SHANK1: variants seen among roughly 807,000 people sequenced by gnomAD.
The protein encoded by SHANK1 is SH3 and multiple ankyrin repeat domains 1.
Under a neutral mutation model 165.6 loss-of-function variants are expected in SHANK1, and 35 were observed. The ratio of observed to expected loss-of-function variants is 0.21; its 90% CI spans 0.16 to 0.28. The LOEUF (loss-of-function observed/expected upper bound fraction) is 0.28. Among genes scored for constraint, SHANK1 ranks in the 10% least tolerant of loss-of-function variants. SHANK1 has a pLI of 1.00. For missense variants in SHANK1, 2,681 were observed against 3,036.4 expected, an observed-to-expected ratio of 0.88 and a Z score of 2.75; for synonymous variants, 1,428 against 1,384.8, an observed-to-expected ratio of 1.03 and a Z score of -0.69.
At position 50,662,784 on chromosome 19, in the gene SHANK1, A is replaced by T. The variant is rs1165040598; in HGVS notation, c.5769-102T>A. 1 of 1,267,838 alleles carries T rather than the reference A, an allele frequency of 7.9e-7. No homozygotes were observed. Among genetic ancestry groups the T allele is most frequent in the Non-Finnish European group, 1.1e-6 (1 of 908,864 alleles). The allele number at this position is 1,267,838 out of a possible 1,614,324, so 78.5% of individuals were successfully genotyped here. A position where few individuals can be genotyped will look rare whatever the true frequency, so the allele number is the denominator to read the frequency against. On this transcript the variant is annotated intron_variant, in intron 23 of 23. Transcript: ENST00000293441. The surrounding 1 kb of genome is among the most constrained non-coding windows in gnomAD (Gnocchi z 7.7). ...TCAAGATATAGGGAGAGAGGAGGAGAGACATAAGGGTAGGGGGAGAGACGG... is the reference window on the plus strand; with the variant it reads ...TCAAGATATAGGGAGAGAGGAGGAGTGACATAAGGGTAGGGGGAGAGACGG...
rs2089098868 is a variant in SHANK1, at chr19:50,718,822, A to C, written c.-44+584T>G. On this transcript the variant is annotated intron_variant, in intron 1 of 23. Coordinates refer to ENST00000293441, the MANE Select transcript of SHANK1 (RefSeq NM_016148.5). The surrounding 1 kb of genome is among the most constrained non-coding windows in gnomAD (Gnocchi z 5.1). ...CCGGCCGGGGAGAGGGGCGGGGGGC[A>C]CCGGGGAGCAGGAGTCGGGGGCGGG... Among the ~76,000 whole-genome samples, 1 of 106,530 alleles carries C rather than the reference A, an allele frequency of 9.4e-6. No individual in the cohort carries two copies. Among genetic ancestry groups the C allele is most frequent in the Non-Finnish European group, 1.9e-5 (1 of 52,366 alleles). 69.9% of individuals were successfully genotyped at this position (106,530 alleles called of 152,430 possible).
At chr19:50,709,713 C>A (rs1248827410) in intron 8 of SHANK1, among the ~76,000 whole-genome samples, 1 of 152,160 alleles carries the variant, frequency 6.6e-6, no homozygotes, top group East Asian at 1.9e-4. Context: ...CTGTGCCCAG[C>A]TAATTTTTGT....
chr19:50,677,240 G>C (rs1242058512), intron 21 of SHANK1, among the ~76,000 whole-genome samples: 2 of 149,582 alleles, frequency 1.3e-5, no homozygotes, highest in African/African-American at 2.5e-5. Flanking sequence ...TGATTCTCTT[G>C]CCTCAGCCTC....
chr19:50,703,398 C>T (rs2088893980), intron 11 of SHANK1, 102 bp downstream of exon 11: 9 of 989,448 alleles, frequency 9.1e-6, no homozygotes, highest in African/African-American at 3.3e-5. Flanking sequence ...TGGATGAGGG[C>T]CTACAGAGGA....
rs910518202 is a variant in SHANK1, at chr19:50,659,757, A to C, written c.*2208T>G. 0.085 allele frequency among the ~76,000 whole-genome samples: 2,128 copies of C among 24,992 alleles called. No homozygotes were observed. Among genetic ancestry groups the C allele is most frequent in the African/African-American group, 0.094 (552 of 5,874 alleles). The allele number at this position is 24,992 out of a possible 152,430, so 16.4% of individuals were successfully genotyped here. A position where few individuals can be genotyped will look rare whatever the true frequency, so the allele number is the denominator to read the frequency against. ...CGCATTCGGTCCCTCCCCACTCCCC[A>C]CCCCGACCTCTCCTCCCCCCCCCAC... On this transcript the variant is annotated 3_prime_UTR_variant, in exon 24 of 24. Coordinates refer to ENST00000293441, the MANE Select transcript of SHANK1 (RefSeq NM_016148.5).
chr19:50,686,615 G>A lies in SHANK1; in HGVS notation c.2458+129C>T. ...TCGGGAGAGGGCGGGCGGAGGGAGG[G>A]GAGGTGGGATCGCAGCCTCTCTGGG... On this transcript the variant is annotated intron_variant, in intron 20 of 23. Coordinates refer to ENST00000293441, the MANE Select transcript of SHANK1 (RefSeq NM_016148.5). The surrounding 1 kb of genome is among the most constrained non-coding windows in gnomAD (Gnocchi z 5.7). The A allele has an allele frequency of 1.2e-6, 1 of 865,728 alleles. No homozygotes were observed. The highest frequency in any genetic ancestry group is 1.6e-5 in the South Asian group (1 of 62,168). 53.6% of individuals were successfully genotyped at this position (865,728 alleles called of 1,614,324 possible). A position where few individuals can be genotyped will look rare whatever the true frequency, so the allele number is the denominator to read the frequency against.
intron 21 of SHANK1, among the ~76,000 whole-genome samples, chr19:50,674,613 G>A (rs1235655727): frequency 6.6e-6 from 1 of 152,038 alleles, no homozygotes; most frequent in African/African-American, 2.4e-5. Flanking sequence ...GGCCTGCAGT[G>A]CCCCCCTAGA....
chr19:50,695,251 G>A (rs969255908), intron 15 of SHANK1, among the ~76,000 whole-genome samples: 3 of 145,014 alleles, frequency 2.1e-5, no homozygotes, highest in African/African-American at 7.5e-5. Context: ...TCACATGCCG[G>A]GGGGCGCGGG....
chr19:50,666,376 C>G lies in SHANK1; in HGVS notation c.5584G>C (p.Ala1862Pro). Residue 1862 changes from alanine to proline, a missense_variant, in exon 23 of 24, where the codon GCC becomes CCC. By Grantham distance (27) the Ala-to-Pro change is conservative. Coordinates refer to ENST00000293441, the MANE Select transcript of SHANK1 (RefSeq NM_016148.5). ...ATGCTGGCTTTTACTGTGGCCAAGG[C>G]TGAGGCCTGAGGCTGGGCCAAGGGC... ...PGPLAQPQAS[A>P]LATVKASIIS... 2 of 1,613,640 alleles carry G rather than the reference C, an allele frequency of 1.2e-6. No homozygotes were observed. Among genetic ancestry groups the G allele is most frequent in the Non-Finnish European group, 1.7e-6 (2 of 1,179,872 alleles).
At chr19:50,685,562 A>T (rs1276410754) in intron 21 of SHANK1, among the ~76,000 whole-genome samples, 1 of 152,032 alleles carries the variant, frequency 6.6e-6, no homozygotes, top group Non-Finnish European at 1.5e-5. Context: ...TGTCTCTATT[A>T]AAAATACAAA....
At position 50,668,399 on chromosome 19, in the gene SHANK1, GGGCTCC is replaced by G; in HGVS notation, c.3555_3560del (p.Glu1186_Pro1187del). ...AGCCGCCGCCGCCGCCGCCTCCCGT[GGGCTCC>G]GGCTGGGTGGGGGGCTCCGCCTCGG... On this transcript the variant is annotated inframe_deletion, in exon 23 of 24. Transcript: ENST00000293441. 7.6e-7 allele frequency: 1 copy of G among 1,319,062 alleles called. No homozygotes were observed. Among genetic ancestry groups the G allele is most frequent in the East Asian group, 2.9e-5 (1 of 34,608 alleles). 81.7% of individuals were successfully genotyped at this position (1,319,062 alleles called of 1,614,324 possible).
In SHANK1 at chr19:50,672,153, TA is replaced by T. The variant is rs566678792; in HGVS notation, c.2578-40del. On this transcript the variant is annotated intron_variant, in intron 21 of 23. Transcript: ENST00000293441. Reference sequence around the variant, plus strand: ...GTCAGAGGGGGAGAGAGAGAAAAGATAGAGAGAGATCAGTCAGCGCAGAAAG... The same window carrying T: ...GTCAGAGGGGGAGAGAGAGAAAAGATGAGAGAGATCAGTCAGCGCAGAAAG... 5.1e-4 allele frequency: 761 copies of T among 1,506,520 alleles called. 10 individuals carry two copies. In the South Asian group the frequency reaches 6.7e-3, roughly 13 times the overall value. 93.3% of individuals were successfully genotyped at this position (1,506,520 alleles called of 1,614,324 possible). A position where few individuals can be genotyped will look rare whatever the true frequency, so the allele number is the denominator to read the frequency against.
chr19:50,701,897 C>T (rs970484058), intron 12 of SHANK1, among the ~76,000 whole-genome samples: 1 of 152,210 alleles, frequency 6.6e-6, no homozygotes, highest in Non-Finnish European at 1.5e-5. Context: ...GAGGTGAACC[C>T]TGATAACAGC....
At chr19:50,687,036 G>A in intron 19 of SHANK1, 1 of 1,485,938 alleles carries the variant, frequency 6.7e-7, no homozygotes. Context: ...TCTTCCAGGG[G>A]GAGACTAGCC....
intron 9 of SHANK1, 70 bp from the exon 10 acceptor site, chr19:50,704,256 C>A: frequency 6.6e-7 from 1 of 1,520,130 alleles, no homozygotes; most frequent in Non-Finnish European, 9.1e-7. Flanking sequence ...GGGAACGTGG[C>A]GAGGTCCCTG....
chr19:50,684,754 T>C (rs561713096), intron 21 of SHANK1, among the ~76,000 whole-genome samples: 7 of 152,336 alleles, frequency 4.6e-5, no homozygotes, highest in African/African-American at 1.7e-4. Flanking sequence ...GATATCTCCA[T>C]ATCCCATCAC....
intron 21 of SHANK1, among the ~76,000 whole-genome samples, chr19:50,674,542 C>T (rs939241666): frequency 3.3e-5 from 5 of 152,146 alleles, no homozygotes; most frequent in Admixed American, 3.3e-4. Context: ...GCTCTGGGCT[C>T]TGCTTGGGAA....
At chr19:50,699,523 T>C (rs1248995710) in intron 12 of SHANK1, among the ~76,000 whole-genome samples, 1 of 152,118 alleles carries the variant, frequency 6.6e-6, no homozygotes, top group Non-Finnish European at 1.5e-5. Flanking sequence ...TGAAGGATCC[T>C]AGGAGCTGGG....
intron 8 of SHANK1, among the ~76,000 whole-genome samples, chr19:50,708,464 C>A (rs2088970808): frequency 6.6e-6 from 1 of 152,168 alleles, no homozygotes; most frequent in African/African-American, 2.4e-5. Flanking sequence ...CGTCTGCCTC[C>A]TCACCAGACT....
Sources: allele counts gnomAD v4.1 joint callset (sites outside exome capture counted in the v4.1 genomes callset), GRCh38; gene constraint gnomAD v4.1.1; non-coding constraint Gnocchi (gnomAD v3.1); transcripts MANE v1.5; gene names NCBI Gene and HGNC (gene_info 2026-07-23, HGNC 2026-07-21).